The following RBFOX1 variants were observed in gnomAD, a reference collection of about 807,000 sequenced individuals.
RBFOX1 encodes the protein RNA binding fox-1 homolog 1, also known as RNA binding protein fox-1 homolog 1.
RBFOX1 carries 8 observed loss-of-function variants against 57.7 expected under a neutral mutation model. The ratio of observed to expected loss-of-function variants is 0.14; its 90% CI spans 0.08 to 0.25. The LOEUF (loss-of-function observed/expected upper bound fraction) is 0.25. Among genes scored for constraint, RBFOX1 ranks in the 10% least tolerant of loss-of-function variants. RBFOX1 has a pLI of 1.00. For synonymous variants in RBFOX1, 326 were observed against 222.4 expected (o/e 1.47, Z -4.15); for missense variants, 611 against 548.5 (o/e 1.11, Z -1.14).
At chr16:5,283,898 G>A (rs983049282) in intron 1 of RBFOX1, among the ~76,000 whole-genome samples, 8 of 152,012 alleles carry the variant, frequency 5.3e-5, no homozygotes, top group African/African-American at 1.9e-4. Context: ...GTTTTAAAAT[G>A]TGAGGACATG....
At chr16:5,461,886 T>C (rs2068798285) in intron 1 of RBFOX1, among the ~76,000 whole-genome samples, 1 of 152,090 alleles carries the variant, frequency 6.6e-6, no homozygotes, top group Non-Finnish European at 1.5e-5. Context: ...GCTCATAGAG[T>C]CTAAAGAGAA....
At chr16:7,338,174 G>C (rs887963523) in intron 4 of RBFOX1, among the ~76,000 whole-genome samples, 6 of 152,138 alleles carry the variant, frequency 3.9e-5, no homozygotes, top group African/African-American at 1.4e-4. Flanking sequence ...AGCCCAGGGT[G>C]CATTAACTGT....
At position 6,895,134 on chromosome 16, in the gene RBFOX1, G is replaced by C. The variant is rs578118396; in HGVS notation, c.-15-156923G>C. ...CTCTTTTCCATAGAAGTTCAGTTCA[G>C]AGAAGCACCAAATCAAAAAAGATGA... On this transcript the variant is annotated intron_variant, in intron 3 of 15. Transcript: ENST00000550418. Among the ~76,000 whole-genome samples the C allele has an allele frequency of 2.6e-5, 4 of 152,134 alleles. No homozygotes were observed. In the South Asian group the frequency reaches 6.2e-4, roughly 24 times the overall value.
At chr16:6,881,597 C>T (rs1181275540) in intron 3 of RBFOX1, among the ~76,000 whole-genome samples, 1 of 152,124 alleles carries the variant, frequency 6.6e-6, no homozygotes, top group Non-Finnish European at 1.5e-5. Context: ...GGCTTACAGC[C>T]CACTCTGAGG....
intron 2 of RBFOX1, among the ~76,000 whole-genome samples, chr16:5,576,992 G>A (rs1018002061): frequency 7.9e-5 from 12 of 152,172 alleles, no homozygotes; most frequent in Admixed American, 3.3e-4. Context: ...CTAAAGTTCA[G>A]AACCCTCGGC....
chr16:7,158,661 T>C (rs1240738383), intron 4 of RBFOX1, among the ~76,000 whole-genome samples: 1 of 150,814 alleles, frequency 6.6e-6, no homozygotes, highest in Non-Finnish European at 1.5e-5. Flanking sequence ...CTATGGTGCG[T>C]GCACGCACGT....
rs144006941 is a variant in RBFOX1, at chr16:7,177,601, T to C, written c.27+125503T>C. On this transcript the variant is annotated intron_variant, in intron 4 of 15. Coordinates refer to ENST00000550418, the MANE Select transcript of RBFOX1 (RefSeq NM_018723.4). Reference sequence around the variant, plus strand: ...CAGGCACTACCTTTGTAGAACAGGTTGCTTGCTGTGACAGCTCCTATCTGA... The same window carrying C: ...CAGGCACTACCTTTGTAGAACAGGTCGCTTGCTGTGACAGCTCCTATCTGA... Among the ~76,000 whole-genome samples, 290 of 152,314 alleles carry C rather than the reference T, an allele frequency of 1.9e-3. 3 individuals are homozygous for C. The highest frequency in any genetic ancestry group is 6.5e-3 in the African/African-American group (271 of 41,568).
chr16:7,560,992 T>C (rs947308240), intron 5 of RBFOX1, among the ~76,000 whole-genome samples: 2 of 152,222 alleles, frequency 1.3e-5, no homozygotes, highest in African/African-American at 4.8e-5. Flanking sequence ...CTGTGTGGTT[T>C]ATTCATTTCT....
At position 7,534,174 on chromosome 16, in the gene RBFOX1, C is replaced by T. The variant is rs369597856; in HGVS notation, c.270+15785C>T. On this transcript the variant is annotated intron_variant, in intron 5 of 15. Coordinates refer to ENST00000550418, the MANE Select transcript of RBFOX1 (RefSeq NM_018723.4). ...CGATCTCGGCTCACTGCAGCCTCCACCTCCCAGGTTCAGGCGATTCTCCTG... is the reference window on the plus strand; with the variant it reads ...CGATCTCGGCTCACTGCAGCCTCCATCTCCCAGGTTCAGGCGATTCTCCTG... Among the ~76,000 whole-genome samples the T allele has an allele frequency of 2.2e-4, 34 of 151,354 alleles. No individual in the cohort carries two copies. The East Asian group carries it at 2.5e-3, about 11-fold the overall frequency.
chr16:5,740,592 A>G (rs918693101), intron 3 of RBFOX1, among the ~76,000 whole-genome samples: 1 of 152,198 alleles, frequency 6.6e-6, no homozygotes. Flanking sequence ...CAACTGAAAT[A>G]TCCAGGAGAA....
At chr16:6,444,850 T>C (rs2094453574) in intron 2 of RBFOX1, among the ~76,000 whole-genome samples, 1 of 152,152 alleles carries the variant, frequency 6.6e-6, no homozygotes, top group African/African-American at 2.4e-5. Context: ...GGCTTGGTTC[T>C]GTGTGAGAAC....
At chr16:7,133,480 C>G (rs550281643) in intron 4 of RBFOX1, among the ~76,000 whole-genome samples, 1 of 152,192 alleles carries the variant, frequency 6.6e-6, no homozygotes, top group South Asian at 2.1e-4. Flanking sequence ...AGAGGCAATT[C>G]AGTAATTTTG....
intron 1 of RBFOX1, among the ~76,000 whole-genome samples, chr16:5,459,985 G>A (rs1326471188): frequency 6.6e-6 from 1 of 152,046 alleles, no homozygotes; most frequent in African/African-American, 2.4e-5. Context: ...ACATTCCATG[G>A]CCTCCTTCCT....
intron 1 of RBFOX1, among the ~76,000 whole-genome samples, chr16:6,314,960 G>A (rs1026811339): frequency 3.9e-5 from 6 of 152,162 alleles, no homozygotes; most frequent in African/African-American, 1.4e-4. Flanking sequence ...CCTTGATGGA[G>A]CCTTCCCCAC....
chr16:5,485,423 C>G (rs2069698946), intron 2 of RBFOX1, among the ~76,000 whole-genome samples: 1 of 138,014 alleles, frequency 7.2e-6, no homozygotes, highest in Admixed American at 7.3e-5. Flanking sequence ...TGCATGCATA[C>G]CAAGAGGTGA....
At chr16:7,434,578 C>T (rs1407416335) in intron 4 of RBFOX1, among the ~76,000 whole-genome samples, 6 of 151,992 alleles carry the variant, frequency 3.9e-5, no homozygotes, top group Admixed American at 3.3e-4. Flanking sequence ...CCACCATGAC[C>T]TACTGGACTG....
At chr16:7,332,659 GGTCTCTCTCTCT>G (rs1568252225) in intron 4 of RBFOX1, 4 of 559,822 alleles carry the variant, frequency 7.1e-6, no homozygotes, top group East Asian at 6.6e-5. Context: ...TTGGTCTCTT[GGTCTCTCTCTCT>G]GTCTCTCTCT....
In RBFOX1 at chr16:5,693,161, T is replaced by C. The variant is rs577498898; in HGVS notation, c.318+94200T>C. 1.1e-4 allele frequency among the ~76,000 whole-genome samples: 16 copies of C among 152,222 alleles called. No homozygotes were observed. In the South Asian group the frequency reaches 3.1e-3, roughly 30 times the overall value. On this transcript the variant is annotated intron_variant, in intron 3 of 19. Transcript: ENST00000641259. ...AACTGTGAAGCACACAATCCTTCTG[T>C]TGCTTTCCCTTCCCTGAGATGATAC...
chr16:5,901,716 A>G (rs1246238148), intron 4 of RBFOX1, among the ~76,000 whole-genome samples: 1 of 152,236 alleles, frequency 6.6e-6, no homozygotes, highest in African/African-American at 2.4e-5. Context: ...GCAAGGTTAT[A>G]GGACGTTTTC....
Sources: gnomAD v4.1 joint callset for allele counts (sites outside exome capture counted in the v4.1 genomes callset) on GRCh38, gnomAD v4.1.1 for gene constraint, MANE v1.5 for transcripts, NCBI Gene and HGNC (gene_info 2026-07-23, HGNC 2026-07-21) for gene names.